The following GRIK2 variants were observed in gnomAD, a reference collection of about 807,000 sequenced individuals.
GRIK2 encodes glutamate receptor ionotropic, kainate 2.
A neutral mutation model predicts 100.3 loss-of-function variants in GRIK2; 32 were observed. The observed-to-expected ratio is 0.32, with a 90% CI of 0.24 to 0.43. The LOEUF is 0.43. Among genes scored for constraint, GRIK2 ranks in the 20% least tolerant of loss-of-function variants. GRIK2 has a pLI of 1.00. For missense variants in GRIK2, 843 were observed against 1,114.9 expected (o/e 0.76, Z 3.47); for synonymous variants, 417 against 389.4 (o/e 1.07, Z -0.83).
intron 14 of GRIK2, among the ~76,000 whole-genome samples, chr6:102,005,156 A>G (rs1425752949): frequency 6.6e-6 from 1 of 151,246 alleles, no homozygotes; most frequent in Non-Finnish European, 1.5e-5. Flanking sequence ...TATTATGTAT[A>G]TTTATATAAG....
intron 2 of GRIK2, among the ~76,000 whole-genome samples, chr6:101,442,713 C>G (rs1770147120): frequency 6.6e-6 from 1 of 152,112 alleles, no homozygotes; most frequent in Admixed American, 6.6e-5. Context: ...GTAGCAACTA[C>G]TCAACCCTAC....
At chr6:101,621,903 T>C in intron 2 of GRIK2, 46 bp from the exon 3 acceptor site, 1 of 1,299,924 alleles carries the variant, frequency 7.7e-7, no homozygotes, top group Non-Finnish European at 1.1e-6. Flanking sequence ...GTGAAAATTA[T>C]GTTTATTCTT....
At chr6:101,740,851 T>C in intron 7 of GRIK2, among the ~76,000 whole-genome samples, 1 of 152,080 alleles carries the variant, frequency 6.6e-6, no homozygotes, top group East Asian at 1.9e-4. Flanking sequence ...ACTTACTCAT[T>C]AGCATGGGTA....
chr6:102,068,447 A>G lies in GRIK2; in HGVS notation c.2663A>G (p.Glu888Gly), dbSNP rs1187771559. ...CAGGCCCCAGTTATTGTGAAAACAG[A>G]AGAAGTTATCAACATGCACACATTT... The part of the protein sequence containing the change: ...KPQAPVIVKT[E>G]EVINMHTFND... The change falls in exon 17 of 17, where the codon GAA becomes GGA. Residue 888 changes from glutamate (E) to glycine (G), a missense_variant. Physicochemically the swap from Glu to Gly is moderately conservative, Grantham distance 98. Coordinates refer to ENST00000369134, the MANE Select transcript of GRIK2 (RefSeq NM_021956.5). 1 of 1,612,192 alleles carries G rather than the reference A, an allele frequency of 6.2e-7. No individual in the cohort carries two copies. The highest frequency in any genetic ancestry group is 1.3e-5 in the African/African-American group (1 of 74,892).
intron 2 of GRIK2, among the ~76,000 whole-genome samples, chr6:101,481,343 A>G (rs1182691113): frequency 6.6e-6 from 1 of 152,176 alleles, no homozygotes; most frequent in Non-Finnish European, 1.5e-5. Flanking sequence ...ATATTTTGCT[A>G]TAATTAGAGT....
rs56847576 is a variant in GRIK2 at position 101,998,020 on chromosome 6, G to A, written c.2086-37321G>A. Among the ~76,000 whole-genome samples, 321 of 152,086 alleles carry A rather than the reference G, an allele frequency of 2.1e-3. 2 individuals are homozygous for A. The highest frequency in any genetic ancestry group is 7.4e-3 in the African/African-American group (307 of 41,528). On this transcript the variant is annotated intron_variant, in intron 14 of 16. Coordinates refer to ENST00000369134, the MANE Select transcript of GRIK2 (RefSeq NM_021956.5). ...ATTTTTAACATACGTATACATCAGC[G>A]AGAAAATACCACAGTGAAGATAGTG...
At chr6:101,860,841 G>T (rs1292039812) in intron 11 of GRIK2, 2 of 331,240 alleles carry the variant, frequency 6.0e-6, no homozygotes, top group South Asian at 1.2e-4. Context: ...GCAGGGAAAA[G>T]GTCCATTCAG....
Position 101,775,570 on chromosome 6 carries a change from A to T in GRIK2, c.952-24078A>T, listed in dbSNP as rs552367510. Among the ~76,000 whole-genome samples the T allele has an allele frequency of 3.3e-5, 5 of 150,940 alleles. No individual in the cohort carries two copies. In the East Asian group the frequency reaches 9.8e-4, roughly 30 times the overall value. ...GTGTGAGATATATATATACACACAC[A>T]CACATTACTGTATAGTTTATTTATA... is the stretch of plus-strand genomic sequence containing the variant. On this transcript the variant is annotated intron_variant, in intron 7 of 16. Coordinates refer to ENST00000369134, the MANE Select transcript of GRIK2 (RefSeq NM_021956.5).
intron 2 of GRIK2, among the ~76,000 whole-genome samples, chr6:101,466,590 T>C (rs1284992643): frequency 7.2e-6 from 1 of 139,550 alleles, no homozygotes. Context: ...AGGCTGCTTT[T>C]TTCTAAAAAA....
intron 10 of GRIK2, among the ~76,000 whole-genome samples, chr6:101,847,166 G>A (rs940483151): frequency 5.9e-5 from 9 of 151,906 alleles, no homozygotes; most frequent in Non-Finnish European, 8.8e-5. Context: ...TGCTTTCACT[G>A]TATCCATTGA....
intron 2 of GRIK2, among the ~76,000 whole-genome samples, chr6:101,401,738 G>A (rs1345162682): frequency 6.6e-6 from 1 of 152,186 alleles, no homozygotes; most frequent in Non-Finnish European, 1.5e-5. Flanking sequence ...GGTTGAGCAC[G>A]TATAAGCCAC....
At chr6:102,065,256 A>C (rs1214084658) in intron 16 of GRIK2, among the ~76,000 whole-genome samples, 2 of 151,260 alleles carry the variant, frequency 1.3e-5, no homozygotes, top group African/African-American at 2.4e-5. Flanking sequence ...TATTTAAGAC[A>C]ATTTCAAATT....
intron 2 of GRIK2, among the ~76,000 whole-genome samples, chr6:101,619,245 G>T (rs1162176769): frequency 6.7e-6 from 1 of 150,294 alleles, no homozygotes; most frequent in East Asian, 2.0e-4. Flanking sequence ...GTTATATTTT[G>T]TCTTAAAAGG....
chr6:101,508,926 T>A (rs1467484464), intron 2 of GRIK2, among the ~76,000 whole-genome samples: 1 of 151,596 alleles, frequency 6.6e-6, no homozygotes, highest in African/African-American at 2.4e-5. Context: ...GAGGCCGAGG[T>A]GGGTGGATCA....
At chr6:101,856,355 C>T (rs2518202) in intron 10 of GRIK2, among the ~76,000 whole-genome samples, 110,117 of 151,970 alleles carry the variant, frequency 0.72, 42,291 homozygotes, top group Non-Finnish European at 0.87. Flanking sequence ...ATATTTGGGA[C>T]ATGTTAAATG....
In GRIK2 at chr6:101,767,055, G is replaced by C. The variant is rs199812130; in HGVS notation, c.952-32593G>C. Among the ~76,000 whole-genome samples the C allele has an allele frequency of 1.1e-4, 17 of 152,150 alleles. No individual in the cohort carries two copies. In the East Asian group the frequency reaches 2.9e-3, roughly 26 times the overall value. On this transcript the variant is annotated intron_variant, in intron 7 of 16. Transcript: ENST00000369134. ...GGTTGACTTTACATATGAAAAGAGGGGAAATTTGTAAACTTCTGAGAAATT... is the reference window on the plus strand; with the variant it reads ...GGTTGACTTTACATATGAAAAGAGGCGAAATTTGTAAACTTCTGAGAAATT...
intron 2 of GRIK2, among the ~76,000 whole-genome samples, chr6:101,621,409 G>A (rs1582840536): frequency 6.6e-6 from 1 of 152,036 alleles, no homozygotes; most frequent in East Asian, 1.9e-4. Context: ...GGCTGTGATC[G>A]CTCCTCTGCA....
In GRIK2 at chr6:101,791,458, G is replaced by T. The variant is rs189276716; in HGVS notation, c.952-8190G>T. Among the ~76,000 whole-genome samples, 770 of 152,140 alleles carry T rather than the reference G, an allele frequency of 5.1e-3. 5 individuals carry two copies. The highest frequency in any genetic ancestry group is 0.018 in the African/African-American group (749 of 41,494). On this transcript the variant is annotated intron_variant, in intron 7 of 16. Transcript: ENST00000369134. The stretch of plus-strand genomic sequence containing the variant: ...AGATCTTTATTTCTGCCTTCATTTC[G>T]TTATGTACCCAGTAGTCATTCAGGA...
rs60301711 is a variant in GRIK2, at chr6:101,719,138, GTTTTTTTTTTTTTTTTTTTTTT to G, written c.951+32802_951+32823del. ...CTGAAATGTGCAACAGGCTGCAAGGGTTTTTTTTTTTTTTTTTTTTTTTTTTTTTTTTTTTTTTGATGAATAC... is the reference window on the plus strand; with the variant it reads ...CTGAAATGTGCAACAGGCTGCAAGGGTTTTTTTTTTTTTTTTGATGAATAC... On this transcript the variant is annotated intron_variant, in intron 7 of 16. Transcript: ENST00000369134. 6.3e-3 allele frequency among the ~76,000 whole-genome samples: 640 copies of G among 101,134 alleles called. 10 individuals carry two copies. Among genetic ancestry groups the G allele is most frequent in the East Asian group, 0.051 (166 of 3,256 alleles). 66.3% of individuals were successfully genotyped at this position (101,134 alleles called of 152,430 possible).
Sources: gnomAD v4.1 joint callset for allele counts (sites outside exome capture counted in the v4.1 genomes callset) on GRCh38, gnomAD v4.1.1 for gene constraint, MANE v1.5 for transcripts, NCBI Gene and HGNC (gene_info 2026-07-23, HGNC 2026-07-21) for gene names.